MYH14: variants seen among roughly 807,000 people sequenced by gnomAD.
MYH14 encodes myosin heavy chain 14, also known as myosin-14.
MYH14 carries 123 observed loss-of-function variants against 255.5 expected under a neutral mutation model. The observed-to-expected ratio is 0.48, with a 90% CI of 0.42 to 0.56. MYH14 has a LOEUF of 0.56. Among genes scored for constraint, MYH14 ranks in the 20% least tolerant of loss-of-function variants. The pLI, the probability that MYH14 is intolerant of heterozygous loss-of-function variation, is 0.00. For missense variants in MYH14, 2,423 were observed against 2,802.3 expected (o/e 0.86, Z 3.06); for synonymous variants, 1,095 against 1,161.2 (o/e 0.94, Z 1.16).
Position 50,221,804 on chromosome 19 carries a change from C to T in MYH14, c.563-1279C>T, listed in dbSNP as rs1001413752. Among the ~76,000 whole-genome samples, 1 of 152,102 alleles carries T rather than the reference C, an allele frequency of 6.6e-6. No homozygotes were observed. Among genetic ancestry groups the T allele is most frequent in the African/African-American group, 2.4e-5 (1 of 41,430 alleles). On this transcript the variant is annotated intron_variant, in intron 3 of 42. Transcript: ENST00000642316. The surrounding 1 kb of genome is among the most constrained non-coding windows in gnomAD (Gnocchi z 5.3). ...ATCGCTGCTTTAAAACCCATCCCAC[C>T]ACTCGCCATCTCTGCCCTATCCCCC...
chr19:50,259,949 T>G (rs1458209570), intron 19 of MYH14, among the ~76,000 whole-genome samples: 3 of 152,162 alleles, frequency 2.0e-5, no homozygotes, highest in Non-Finnish European at 4.4e-5. Context: ...AATGAGCAAG[T>G]AATACAGCAA....
At position 50,225,685 on chromosome 19, in the gene MYH14, C is replaced by T. The variant is rs2033057143; in HGVS notation, c.810+8C>T. 1.2e-6 allele frequency: 2 copies of T among 1,609,292 alleles called. No individual in the cohort carries two copies. Among genetic ancestry groups the T allele is most frequent in the African/African-American group, 2.7e-5 (2 of 74,818 alleles). On this transcript the variant is annotated splice_region_variant and intron_variant, in intron 7 of 42. Coordinates refer to ENST00000642316, the MANE Select transcript of MYH14 (RefSeq NM_001145809.2). Reference sequence around the variant, plus strand: ...GACAACTCCTCCCGATTCGTGAGTGCCAGGGGTGGGCAGTGCTGGCTGTGT... The same window carrying T: ...GACAACTCCTCCCGATTCGTGAGTGTCAGGGGTGGGCAGTGCTGGCTGTGT...
intron 34 of MYH14, among the ~76,000 whole-genome samples, chr19:50,287,895 T>TACACACACACACAC (rs141417074): frequency 6.7e-6 from 1 of 149,212 alleles, no homozygotes; most frequent in Non-Finnish European, 1.5e-5. Flanking sequence ...ATAACACACA[T>TACACACACACACAC]ACACACACAC....
At chr19:50,224,032 T>TGGCCCCCCCCCCCC in intron 5 of MYH14, 122 bp from the exon 6 acceptor site, 5 of 610,304 alleles carry the variant, frequency 8.2e-6, no homozygotes, top group East Asian at 3.3e-5. Context: ...ATGCCCGGTT[T>TGGCCCCCCCCCCCC]CCCCAGTCCC....
intron 21 of MYH14, among the ~76,000 whole-genome samples, chr19:50,262,565 G>C (rs2034923775): frequency 6.6e-6 from 1 of 151,278 alleles, no homozygotes; most frequent in Non-Finnish European, 1.5e-5. Context: ...TGAAAGAATA[G>C]AGTGGCAGGA....
intron 27 of MYH14, among the ~76,000 whole-genome samples, chr19:50,273,128 T>A (rs2035371968): frequency 6.6e-6 from 1 of 151,748 alleles, no homozygotes; most frequent in East Asian, 1.9e-4. Context: ...CTGTCTCTAC[T>A]AAAAATACAA....
At chr19:50,292,183 C>T (rs1053397614) in intron 36 of MYH14, 78 bp from the exon 37 acceptor site, 17 of 1,409,988 alleles carry the variant, frequency 1.2e-5, no homozygotes, top group African/African-American at 8.8e-5. Flanking sequence ...GGAGCCCCGT[C>T]GGTCTGGCAA....
chr19:50,288,318 C>T (rs1216054089), intron 34 of MYH14, among the ~76,000 whole-genome samples: 5 of 152,178 alleles, frequency 3.3e-5, no homozygotes, highest in African/African-American at 4.8e-5. Context: ...CGCACTTAGA[C>T]GTTGATCCGA....
At chr19:50,274,371 T>C (rs752383436) in intron 27 of MYH14, among the ~76,000 whole-genome samples, 12 of 152,152 alleles carry the variant, frequency 7.9e-5, no homozygotes, top group Non-Finnish European at 7.4e-5. Flanking sequence ...CTTGCCTCAC[T>C]ACATCCTCCG....
Position 50,249,121 on chromosome 19 carries a change from G to A in MYH14, c.1464G>A (p.Ala488=), listed in dbSNP as rs750194207. The change falls in exon 13 of 43, where the codon GCG becomes GCA. Residue 488 remains alanine (A), a synonymous_variant. Transcript: ENST00000642316. ...CCTTCCTGGGCATCCTGGACATCGC[G>A]GGCTTTGAGATCTTCCAGGTCCACC... The part of the protein sequence containing the change: ...GASFLGILDI[A]GFEIFQLNSF... 39 of 1,588,452 alleles carry A rather than the reference G, an allele frequency of 2.5e-5. No homozygotes were observed. The highest frequency in any genetic ancestry group is 1.1e-4 in the South Asian group (10 of 87,182).
rs528832319 is a variant in MYH14 at position 50,232,192 on chromosome 19, C to T, written c.1114+122C>T. 7.1e-4 allele frequency: 891 copies of T among 1,249,450 alleles called. 9 individuals carry two copies. In the South Asian group the frequency reaches 7.4e-3, roughly 10 times the overall value. The allele number at this position is 1,249,450 out of a possible 1,614,324, so 77.4% of individuals were successfully genotyped here. A position where few individuals can be genotyped will look rare whatever the true frequency, so the allele number is the denominator to read the frequency against. ...TTGAGCACCTACTGGGTGCAGGCACCGGGGCCAGAGCAGGGAATGAGGCTC... is the reference window on the plus strand; with the variant it reads ...TTGAGCACCTACTGGGTGCAGGCACTGGGGCCAGAGCAGGGAATGAGGCTC... On this transcript the variant is annotated intron_variant, in intron 10 of 42. Transcript: ENST00000642316.
At chr19:50,222,168 A>G (rs964062528) in intron 3 of MYH14, among the ~76,000 whole-genome samples, 1 of 152,136 alleles carries the variant, frequency 6.6e-6, no homozygotes, top group African/African-American at 2.4e-5. Context: ...AATGGAGGAC[A>G]TAATTACCCC....
rs553290963 is a variant in MYH14 at position 50,255,629 on chromosome 19, T to C, written c.2044+311T>C. Among the ~76,000 whole-genome samples the C allele has an allele frequency of 1.1e-3, 165 of 152,148 alleles. 1 individual carries two copies. The highest frequency in any genetic ancestry group is 1.7e-3 in the Non-Finnish European group (116 of 68,008). On this transcript the variant is annotated intron_variant, in intron 17 of 42. Transcript: ENST00000642316. ...AATTATCAACACCCCATTACACAAATGAGGAAACTAAAGCACAGAGAAGTT... is the reference window on the plus strand; with the variant it reads ...AATTATCAACACCCCATTACACAAACGAGGAAACTAAAGCACAGAGAAGTT...
Position 50,230,896 on chromosome 19 carries a change from C to T in MYH14, c.973+273C>T. The T allele has an allele frequency of 4.4e-6, 2 of 458,168 alleles. No individual in the cohort carries two copies. Among genetic ancestry groups the T allele is most frequent in the South Asian group, 2.8e-5 (1 of 35,660 alleles). The allele number at this position is 458,168 out of a possible 1,614,324, so 28.4% of individuals were successfully genotyped here. A position where few individuals can be genotyped will look rare whatever the true frequency, so the allele number is the denominator to read the frequency against. ...CCCGCCGCCTGGTGGCTCCTGCTCACGCTCGCTTCCGAAGCTCCGTGGCTT... is the reference window on the plus strand; with the variant it reads ...CCCGCCGCCTGGTGGCTCCTGCTCATGCTCGCTTCCGAAGCTCCGTGGCTT... On this transcript the variant is annotated intron_variant, in intron 9 of 42. Coordinates refer to ENST00000642316, the MANE Select transcript of MYH14 (RefSeq NM_001145809.2). The surrounding 1 kb of genome is among the most constrained non-coding windows in gnomAD (Gnocchi z 4.7).
chr19:50,285,576 A>C (rs1389113086), intron 33 of MYH14: 2 of 152,172 alleles, frequency 1.3e-5, no homozygotes, highest in Non-Finnish European at 2.9e-5. Flanking sequence ...TGTATCCTAC[A>C]ATCTTGGCTA....
intron 40 of MYH14, among the ~76,000 whole-genome samples, chr19:50,305,550 A>G (rs2036626780): frequency 1.3e-5 from 2 of 152,032 alleles, no homozygotes; most frequent in African/African-American, 4.8e-5. Context: ...GGCTTATGGG[A>G]ACTGTAGCTT....
In MYH14 at chr19:50,309,757, G is replaced by C. The variant is rs764280717; in HGVS notation, c.6078G>C (p.Glu2026Asp). ...AGCCTGGGTCTGGGCCATCCCCGGA[G>C]CCTGAGGGGTCCCCACCAGCCCACC... ...EAQPGSGPSP[E>D]PEGSPPAHPQ Residue 2026 changes from glutamate (E) to aspartate (D), a missense_variant, in exon 43 of 43, where the codon GAG becomes GAC. Around this residue, in one of 3 missense-constraint regions of MYH14, gnomAD observed 1,513 missense variants for 1,674.8 expected, o/e 0.90. Coordinates refer to ENST00000642316, the MANE Select transcript of MYH14 (RefSeq NM_001145809.2). 1.3e-6 allele frequency: 2 copies of C among 1,589,662 alleles called. No individual in the cohort carries two copies. The highest frequency in any genetic ancestry group is 2.3e-5 in the East Asian group (1 of 43,464).
At chr19:50,273,826 G>A (rs186487783) in intron 27 of MYH14, among the ~76,000 whole-genome samples, 4 of 152,108 alleles carry the variant, frequency 2.6e-5, no homozygotes, top group South Asian at 2.1e-4. Flanking sequence ...TAGTAGAGAC[G>A]GGCTTTCACC....
chr19:50,266,918 G>A lies in MYH14; in HGVS notation c.2736G>A (p.Leu912=), dbSNP rs1431882456. ...AGGTGACGCGGCAGGATGAGGTGCTGCAGGCACGGGCCCAGGAGCTGCAGA... is the reference window on the plus strand; with the variant it reads ...AGGTGACGCGGCAGGATGAGGTGCTACAGGCACGGGCCCAGGAGCTGCAGA... The part of the protein sequence containing the change: ...LLQVTRQDEV[L]QARAQELQKV... The change falls in exon 23 of 43, where the codon CTG becomes CTA. Residue 912 remains leucine (L), a synonymous_variant. Transcript: ENST00000642316. The surrounding 1 kb of genome is among the most constrained non-coding windows in gnomAD (Gnocchi z 4.1). The A allele has an allele frequency of 6.4e-7, 1 of 1,552,616 alleles. No individual in the cohort carries two copies. Among genetic ancestry groups the A allele is most frequent in the Non-Finnish European group, 8.7e-7 (1 of 1,147,498 alleles).
Sources: allele counts gnomAD v4.1 joint callset (sites outside exome capture counted in the v4.1 genomes callset), GRCh38; gene constraint gnomAD v4.1.1; regional missense constraint gnomAD v4.1.1; non-coding constraint Gnocchi (gnomAD v3.1); transcripts MANE v1.5; gene names NCBI Gene and HGNC (gene_info 2026-07-23, HGNC 2026-07-21).